The following SSBP2 variants were observed in gnomAD, a reference collection of about 807,000 sequenced individuals.
SSBP2 encodes the protein single stranded DNA binding protein 2.
A neutral mutation model predicts 61.8 loss-of-function variants in SSBP2; 17 were observed. The observed-to-expected ratio is 0.28, with a 90% CI of 0.19 to 0.41. SSBP2 has a LOEUF of 0.41. Among genes scored for constraint, SSBP2 ranks in the 10% least tolerant of loss-of-function variants. SSBP2 has a pLI of 1.00. For missense variants in SSBP2, 310 were observed against 458.7 expected (o/e 0.68, Z 2.96); for synonymous variants, 139 against 141.3 (o/e 0.98, Z 0.12).
chr5:81,694,134 G>C (rs1041855891), intron 1 of SSBP2, among the ~76,000 whole-genome samples: 1 of 152,150 alleles, frequency 6.6e-6, no homozygotes, highest in African/African-American at 2.4e-5. Flanking sequence ...TAAAACAATT[G>C]AACTCATGGA....
At chr5:81,499,840 T>C (rs1226709346) in intron 5 of SSBP2, among the ~76,000 whole-genome samples, 1 of 152,216 alleles carries the variant, frequency 6.6e-6, no homozygotes, top group Admixed American at 6.5e-5. Flanking sequence ...TATTCCTACT[T>C]TCATGTAAAC....
At chr5:81,441,567 G>A (rs1763037793) in intron 13 of SSBP2, among the ~76,000 whole-genome samples, 1 of 152,094 alleles carries the variant, frequency 6.6e-6, no homozygotes, top group Non-Finnish European at 1.5e-5. Flanking sequence ...TGGATGCAGT[G>A]GTGGTGGTGA....
At chr5:81,595,321 A>G (rs1478514078) in intron 4 of SSBP2, among the ~76,000 whole-genome samples, 1 of 152,188 alleles carries the variant, frequency 6.6e-6, no homozygotes, top group Non-Finnish European at 1.5e-5. Flanking sequence ...TAGACCAATA[A>G]CAGGCTCTGA....
At chr5:81,661,063 G>A (rs995193108) in intron 1 of SSBP2, among the ~76,000 whole-genome samples, 1 of 152,084 alleles carries the variant, frequency 6.6e-6, no homozygotes, top group African/African-American at 2.4e-5. Context: ...TGAATGTGGG[G>A]CTTAACACCT....
At chr5:81,575,651 T>C (rs969807410) in intron 4 of SSBP2, among the ~76,000 whole-genome samples, 1 of 151,948 alleles carries the variant, frequency 6.6e-6, no homozygotes, top group Non-Finnish European at 1.5e-5. Flanking sequence ...AGTAAAACCA[T>C]AGATTTAAAC....
At chr5:81,529,792 G>GATTC (rs762583242) in intron 4 of SSBP2, among the ~76,000 whole-genome samples, 4 of 152,072 alleles carry the variant, frequency 2.6e-5, no homozygotes, top group Non-Finnish European at 5.9e-5. Context: ...AGTAGAGTTG[G>GATTC]ATTCATGATA....
chr5:81,667,905 G>A (rs1289400082), intron 1 of SSBP2, among the ~76,000 whole-genome samples: 1 of 152,092 alleles, frequency 6.6e-6, no homozygotes, highest in Non-Finnish European at 1.5e-5. Context: ...AGGATCAATG[G>A]AAAGAGAAAC....
intron 13 of SSBP2, among the ~76,000 whole-genome samples, chr5:81,442,345 A>C (rs993361904): frequency 1.3e-5 from 2 of 152,100 alleles, no homozygotes; most frequent in Non-Finnish European, 2.9e-5. Context: ...GGTTAATATA[A>C]ATGATTATAC....
intron 4 of SSBP2, among the ~76,000 whole-genome samples, chr5:81,532,170 GA>G (rs1770465286): frequency 6.6e-6 from 1 of 151,928 alleles, no homozygotes; most frequent in South Asian, 2.1e-4. Flanking sequence ...TTTATTTGAT[GA>G]AAAAAATGTT....
intron 9 of SSBP2, among the ~76,000 whole-genome samples, chr5:81,463,656 T>C (rs553617562): frequency 6.6e-6 from 1 of 152,072 alleles, no homozygotes; most frequent in East Asian, 1.9e-4. Flanking sequence ...GCCGAGATCA[T>C]GCTACAGCAC....
chr5:81,729,930 G>C (rs1042680502), intron 1 of SSBP2, among the ~76,000 whole-genome samples: 1 of 151,996 alleles, frequency 6.6e-6, no homozygotes, highest in Non-Finnish European at 1.5e-5. Flanking sequence ...ACACTAGATA[G>C]ACTAAATCAC....
At chr5:81,642,476 A>G (rs1287441107) in intron 2 of SSBP2, among the ~76,000 whole-genome samples, 1 of 152,208 alleles carries the variant, frequency 6.6e-6, no homozygotes, top group African/African-American at 2.4e-5. Flanking sequence ...TGTTTTTATC[A>G]TATGATCTAA....
intron 1 of SSBP2, among the ~76,000 whole-genome samples, chr5:81,665,634 C>G (rs977965579): frequency 2.0e-5 from 3 of 152,182 alleles, no homozygotes; most frequent in Admixed American, 2.0e-4. Context: ...GCTAGGATTA[C>G]AGGCGCCAGG....
intron 5 of SSBP2, among the ~76,000 whole-genome samples, chr5:81,511,383 T>G (rs757143337): frequency 1.8e-4 from 28 of 152,272 alleles, no homozygotes; most frequent in Non-Finnish European, 3.8e-4. Context: ...CCGTTTAGTA[T>G]GAATTCAGGT....
At chr5:81,696,132 T>C (rs116672421) in intron 1 of SSBP2, among the ~76,000 whole-genome samples, 80 of 152,310 alleles carry the variant, frequency 5.3e-4, no homozygotes, top group African/African-American at 1.9e-3. Flanking sequence ...GTTCCCTACA[T>C]GCCACTACGG....
In SSBP2 at chr5:81,513,623, A is replaced by G; in HGVS notation, c.372+5T>C. 2 of 1,586,204 alleles carry G rather than the reference A, an allele frequency of 1.3e-6. No individual in the cohort carries two copies. Among genetic ancestry groups the G allele is most frequent in the Non-Finnish European group, 1.7e-6 (2 of 1,155,802 alleles). On this transcript the variant is annotated splice_donor_5th_base_variant and intron_variant, in intron 5 of 16. Transcript: ENST00000320672. Reference sequence around the variant, plus strand: ...AACATTCCTAGTCAGAGTTTCTCTGAGTACCTGAAAGAACCCTGGTGGTAC... The same window carrying G: ...AACATTCCTAGTCAGAGTTTCTCTGGGTACCTGAAAGAACCCTGGTGGTAC...
intron 3 of SSBP2, among the ~76,000 whole-genome samples, chr5:81,622,262 T>C (rs561830274): frequency 1.3e-5 from 2 of 152,236 alleles, no homozygotes; most frequent in African/African-American, 4.8e-5. Flanking sequence ...ATCTACTAAA[T>C]TAACAATGAG....
intron 3 of SSBP2, among the ~76,000 whole-genome samples, chr5:81,616,822 G>A (rs918964948): frequency 2.0e-5 from 3 of 152,080 alleles, no homozygotes; most frequent in African/African-American, 2.4e-5. Flanking sequence ...TAACTGGGAG[G>A]CACCCCCCAG....
chr5:81,652,167 T>G (rs974808967), intron 1 of SSBP2, among the ~76,000 whole-genome samples: 8 of 152,278 alleles, frequency 5.3e-5, no homozygotes, highest in African/African-American at 1.9e-4. Context: ...AGGCCTGGTA[T>G]GGAGAGAACA....
Sources: allele counts gnomAD v4.1 joint callset (sites outside exome capture counted in the v4.1 genomes callset), GRCh38; gene constraint gnomAD v4.1.1; transcripts MANE v1.5; gene names NCBI Gene and HGNC (gene_info 2026-07-23, HGNC 2026-07-21).